Variants in CHODL observed in about 807,000 individuals in gnomAD.
CHODL encodes the protein transmembrane protein MT75.
CHODL carries 29 observed loss-of-function variants against 34.5 expected under a neutral mutation model. That is an observed-to-expected ratio of 0.84 (90% CI 0.63 to 1.15). The LOEUF (loss-of-function observed/expected upper bound fraction) is 1.15, where lower values mean the gene tolerates loss of function less well. Ranked by LOEUF, CHODL falls within the 50% of genes most tolerant of loss-of-function variation. CHODL has a pLI of 0.00. For synonymous variants in CHODL, 125 were observed against 116.1 expected, an observed-to-expected ratio of 1.08 and a Z score of -0.49; for missense variants, 332 against 332.5, an observed-to-expected ratio of 1.00 and a Z score of 0.01.
At chr21:17,952,485 A>T (rs1052997909) in intron 1 of CHODL, among the ~76,000 whole-genome samples, 13 of 152,150 alleles carry the variant, frequency 8.5e-5, no homozygotes, top group Non-Finnish European at 1.5e-4. Flanking sequence ...AACCAAAGAA[A>T]AAAAATCCTT....
intron 2 of CHODL, among the ~76,000 whole-genome samples, chr21:18,236,613 C>G (rs1421662919): frequency 1.3e-5 from 2 of 151,986 alleles, no homozygotes; most frequent in Non-Finnish European, 2.9e-5. Flanking sequence ...TACCTCAACA[C>G]CACACTAGAA....
rs73321553 is a variant in CHODL, at chr21:17,927,384, C to A, written c.-145+9984C>A. 7.4e-3 allele frequency among the ~76,000 whole-genome samples: 1,129 copies of A among 152,160 alleles called. 19 individuals are homozygous for A. Among genetic ancestry groups the A allele is most frequent in the African/African-American group, 0.026 (1,074 of 41,492 alleles). ...CGCTTATAACATTGTCTTTGATATC[C>A]TCTCTGTTCCTGGCTTGCTACGTGC... On this transcript the variant is annotated intron_variant, in intron 1 of 6. Transcript: ENST00000400127.
intron 1 of CHODL, among the ~76,000 whole-genome samples, chr21:18,001,434 C>G (rs888972356): frequency 6.6e-6 from 1 of 152,290 alleles, no homozygotes; most frequent in Non-Finnish European, 1.5e-5. Context: ...GACAAATGGT[C>G]CATAAGGATG....
intron 2 of CHODL, among the ~76,000 whole-genome samples, chr21:18,148,666 GA>G (rs751739585): frequency 6.6e-6 from 1 of 152,078 alleles, no homozygotes; most frequent in African/African-American, 2.4e-5. Context: ...TTCCTTATAT[GA>G]AAAGTGTTAC....
intron 2 of CHODL, among the ~76,000 whole-genome samples, chr21:18,146,802 G>T (rs1189800454): frequency 1.3e-5 from 2 of 152,148 alleles, no homozygotes; most frequent in Admixed American, 6.5e-5. Context: ...TTGTAAAGAA[G>T]AATATTTTGG....
At chr21:17,941,737 C>A (rs569676587) in intron 1 of CHODL, among the ~76,000 whole-genome samples, 1 of 152,210 alleles carries the variant, frequency 6.6e-6, no homozygotes, top group South Asian at 2.1e-4. Flanking sequence ...GCTACTATAA[C>A]AAAATACCAT....
intron 2 of CHODL, among the ~76,000 whole-genome samples, chr21:18,123,295 C>G (rs559198208): frequency 4.6e-5 from 7 of 152,250 alleles, no homozygotes; most frequent in Middle Eastern, 3.4e-3. Flanking sequence ...GGCTTAACCC[C>G]AAGTTCCACT....
At position 18,036,909 on chromosome 21, in the gene CHODL, C is replaced by T. The variant is rs567399661; in HGVS notation, c.-45+8938C>T. 2.6e-5 allele frequency among the ~76,000 whole-genome samples: 4 copies of T among 152,002 alleles called. No homozygotes were observed. The South Asian group carries it at 8.3e-4, about 32-fold the overall frequency. On this transcript the variant is annotated intron_variant, in intron 2 of 6. Transcript: ENST00000400127. ...TTGAATAGCATTGCCCTGCCATATT[C>T]AATCATTAACCAATAATATTTTATC...
chr21:17,934,156 A>C (rs1449772718), intron 1 of CHODL, among the ~76,000 whole-genome samples: 2 of 152,118 alleles, frequency 1.3e-5, no homozygotes, highest in African/African-American at 4.8e-5. Context: ...TAATGGGTAC[A>C]TCAGAAGCCC....
rs2063494239 is a variant in CHODL at position 17,956,391 on chromosome 21, C to A, written c.-145+38991C>A. On this transcript the variant is annotated intron_variant, in intron 1 of 6. Coordinates refer to the CHODL transcript ENST00000400127. ...GAAGCAGATGCTAGCACTATGCTTC[C>A]TGCACAGCCTCCAGAACTGTGAGCT... Among the ~76,000 whole-genome samples, 3 of 136,546 alleles carry A rather than the reference C, an allele frequency of 2.2e-5. 1 individual carries two copies. Among genetic ancestry groups the A allele is most frequent in the African/African-American group, 7.5e-5 (3 of 39,866 alleles). The allele number at this position is 136,546 out of a possible 152,430, so 89.6% of individuals were successfully genotyped here. A position where few individuals can be genotyped will look rare whatever the true frequency, so the allele number is the denominator to read the frequency against.
At chr21:17,933,158 T>C (rs1271351716) in intron 1 of CHODL, among the ~76,000 whole-genome samples, 1 of 152,198 alleles carries the variant, frequency 6.6e-6, no homozygotes, top group Non-Finnish European at 1.5e-5. Flanking sequence ...GGTTTTACAC[T>C]GAGACATTCC....
intron 1 of CHODL, among the ~76,000 whole-genome samples, chr21:17,938,778 G>A (rs1460755602): frequency 6.6e-6 from 1 of 151,954 alleles, no homozygotes. Context: ...GCGCCCGGCC[G>A]AAACCCACAT....
At chr21:18,008,955 A>G (rs539167743) in intron 1 of CHODL, among the ~76,000 whole-genome samples, 3 of 152,342 alleles carry the variant, frequency 2.0e-5, no homozygotes, top group African/African-American at 4.8e-5. Context: ...CAAAAACAAT[A>G]TTGAGTTTCA....
intron 2 of CHODL, among the ~76,000 whole-genome samples, chr21:18,235,895 G>A (rs923791043): frequency 1.3e-5 from 2 of 152,210 alleles, no homozygotes; most frequent in East Asian, 3.9e-4. Context: ...GAAATGAATA[G>A]TTTTCTACCT....
intron 2 of CHODL, among the ~76,000 whole-genome samples, chr21:18,188,934 G>T (rs554835000): frequency 6.6e-6 from 1 of 152,330 alleles, no homozygotes; most frequent in Non-Finnish European, 1.5e-5. Context: ...AATAACGAGG[G>T]TGATGCCAGT....
At chr21:17,939,789 C>A (rs959701384) in intron 1 of CHODL, among the ~76,000 whole-genome samples, 13 of 149,898 alleles carry the variant, frequency 8.7e-5, no homozygotes, top group African/African-American at 3.3e-4. Flanking sequence ...ACCCTATGAG[C>A]TTTATCAAAC....
intron 1 of CHODL, among the ~76,000 whole-genome samples, chr21:17,919,169 G>T (rs975489482): frequency 1.3e-5 from 2 of 152,204 alleles, no homozygotes; most frequent in Non-Finnish European, 2.9e-5. Context: ...CCATTCTGGG[G>T]TCTGGAGGAT....
At chr21:18,144,393 T>C (rs2072840476) in intron 2 of CHODL, among the ~76,000 whole-genome samples, 1 of 152,150 alleles carries the variant, frequency 6.6e-6, no homozygotes. Context: ...TTTGTACAGC[T>C]TGTTCCAATT....
intron 1 of CHODL, among the ~76,000 whole-genome samples, chr21:17,961,902 C>T (rs1305610394): frequency 2.0e-5 from 3 of 152,202 alleles, no homozygotes; most frequent in African/African-American, 7.2e-5. Context: ...TATTTGCTAC[C>T]CTAAGGTTTT....
Sources: gnomAD v4.1 joint callset for allele counts (sites outside exome capture counted in the v4.1 genomes callset) on GRCh38, gnomAD v4.1.1 for gene constraint, MANE v1.5 for transcripts, NCBI Gene and HGNC (gene_info 2026-07-23, HGNC 2026-07-21) for gene names.